Variants in KCNH7 observed in about 807,000 individuals in gnomAD.
The protein encoded by KCNH7 is voltage-gated inwardly rectifying potassium channel KCNH7.
KCNH7 carries 49 observed loss-of-function variants against 120.8 expected under a neutral mutation model. The ratio of observed to expected loss-of-function variants is 0.41; its 90% CI spans 0.32 to 0.51. The LOEUF is 0.51. KCNH7 is among the 20% of genes least tolerant of loss of function. The pLI, the probability that KCNH7 is intolerant of heterozygous loss-of-function variation, is 0.38. For synonymous variants in KCNH7, 547 were observed against 516.1 expected, an observed-to-expected ratio of 1.06 and a Z score of -0.81; for missense variants, 1,097 against 1,446.6, an observed-to-expected ratio of 0.76 and a Z score of 3.92.
chr2:162,735,987 A>G (rs976983740), intron 2 of KCNH7, among the ~76,000 whole-genome samples: 11 of 152,180 alleles, frequency 7.2e-5, no homozygotes, highest in African/African-American at 2.2e-4. Flanking sequence ...TGGGCCAATG[A>G]CTTGACCATG....
intron 2 of KCNH7, among the ~76,000 whole-genome samples, chr2:162,584,719 C>T (rs917413636): frequency 3.9e-5 from 6 of 152,126 alleles, no homozygotes; most frequent in Middle Eastern, 3.4e-3. Flanking sequence ...CTCAGAGGCA[C>T]TGCTGTTGCA....
At chr2:162,601,645 A>G (rs959152161) in intron 2 of KCNH7, among the ~76,000 whole-genome samples, 1 of 151,948 alleles carries the variant, frequency 6.6e-6, no homozygotes, top group African/African-American at 2.4e-5. Flanking sequence ...TTATCTGTGT[A>G]CTAAACGATG....
chr2:162,538,499 A>T (rs551020513), intron 2 of KCNH7, among the ~76,000 whole-genome samples: 1 of 152,046 alleles, frequency 6.6e-6, no homozygotes, highest in African/African-American at 2.4e-5. Flanking sequence ...AAGTGCCAGG[A>T]CCCCTGGAGG....
At chr2:162,837,808 T>G (rs990037715) in intron 1 of KCNH7, among the ~76,000 whole-genome samples, 3 of 152,156 alleles carry the variant, frequency 2.0e-5, no homozygotes, top group African/African-American at 7.2e-5. Context: ...AGATGGAAAT[T>G]TTAAGGGGAT....
chr2:162,793,668 T>C (rs1559137125), intron 2 of KCNH7, among the ~76,000 whole-genome samples: 1 of 151,082 alleles, frequency 6.6e-6, no homozygotes, highest in African/African-American at 2.4e-5. Flanking sequence ...AATAATTATC[T>C]AAAAAAAAAT....
At chr2:162,737,515 C>CTA (rs1440973429) in intron 2 of KCNH7, among the ~76,000 whole-genome samples, 2 of 151,810 alleles carry the variant, frequency 1.3e-5, no homozygotes, top group African/African-American at 4.8e-5. Flanking sequence ...AGAACTTTAG[C>CTA]TATATATATT....
intron 2 of KCNH7, among the ~76,000 whole-genome samples, chr2:162,733,157 T>G (rs147366619): frequency 0.015 from 2,307 of 152,276 alleles, 54 homozygotes; most frequent in Middle Eastern, 0.041. Context: ...AGCTCCCAGC[T>G]TCTTTGAAAA....
At chr2:162,626,793 A>C (rs1406673590) in intron 2 of KCNH7, among the ~76,000 whole-genome samples, 1 of 152,194 alleles carries the variant, frequency 6.6e-6, no homozygotes, top group African/African-American at 2.4e-5. Context: ...AGGTGTATAC[A>C]TTAAAGGTAA....
At chr2:162,798,876 C>T (rs1488957013) in intron 2 of KCNH7, among the ~76,000 whole-genome samples, 1 of 151,956 alleles carries the variant, frequency 6.6e-6, no homozygotes, top group East Asian at 1.9e-4. Flanking sequence ...ATAAAGAGTT[C>T]CCAATTCAAT....
intron 2 of KCNH7, among the ~76,000 whole-genome samples, chr2:162,728,634 C>G (rs569669471): frequency 6.6e-5 from 10 of 152,138 alleles, no homozygotes; most frequent in African/African-American, 2.4e-4. Flanking sequence ...CAAAATTAGC[C>G]GGGCTTGGAG....
At chr2:162,727,492 C>T (rs974835136) in intron 2 of KCNH7, among the ~76,000 whole-genome samples, 4 of 152,112 alleles carry the variant, frequency 2.6e-5, no homozygotes, top group African/African-American at 9.7e-5. Context: ...TTCGTCACCC[C>T]ACTCTACCCA....
intron 2 of KCNH7, among the ~76,000 whole-genome samples, chr2:162,767,412 A>G (rs1384020680): frequency 1.3e-5 from 2 of 152,136 alleles, no homozygotes; most frequent in African/African-American, 2.4e-5. Context: ...ATCAACACCA[A>G]ATATAATCAC....
chr2:162,710,869 A>T (rs1165927605), intron 2 of KCNH7, among the ~76,000 whole-genome samples: 2 of 152,118 alleles, frequency 1.3e-5, no homozygotes, highest in Non-Finnish European at 1.5e-5. Context: ...TTAAAAGTTG[A>T]CTCAAATTCT....
At chr2:162,377,252 A>C (rs1686230644) in intron 14 of KCNH7, among the ~76,000 whole-genome samples, 1 of 151,230 alleles carries the variant, frequency 6.6e-6, no homozygotes, top group Non-Finnish European at 1.5e-5. Context: ...TGGATTTTAA[A>C]TCCCAAACGA....
intron 2 of KCNH7, among the ~76,000 whole-genome samples, chr2:162,714,802 C>G (rs1346227303): frequency 6.6e-6 from 1 of 152,060 alleles, no homozygotes; most frequent in Non-Finnish European, 1.5e-5. Flanking sequence ...CCACATGAAA[C>G]AAAATATTAT....
rs564063941 is a variant in KCNH7, at chr2:162,599,640, C to CT, written c.308-62561dup. Among the ~76,000 whole-genome samples the CT allele has an allele frequency of 5.8e-4, 85 of 146,472 alleles. No homozygotes were observed. In the Middle Eastern group the frequency reaches 0.011, roughly 19 times the overall value. Reference sequence around the variant, plus strand: ...TATTATTTCTATCTACATGTGGTCTCTTTTTTTTTTACGGTTTTCATTATT... The same window carrying CT: ...TATTATTTCTATCTACATGTGGTCTCTTTTTTTTTTTACGGTTTTCATTATT... On this transcript the variant is annotated intron_variant, in intron 2 of 15. Coordinates refer to ENST00000332142, the MANE Select transcript of KCNH7 (RefSeq NM_033272.4).
Position 162,504,569 on chromosome 2 carries a change from C to A in KCNH7, c.1002G>T (p.Gln334His). 6.2e-7 allele frequency: 1 copy of A among 1,612,494 alleles called. No individual in the cohort carries two copies. The highest frequency in any genetic ancestry group is 8.5e-7 in the Non-Finnish European group (1 of 1,178,908). ...NKYSTINKIP[Q>H]LTLNFSEVKT... ...TGACCTCTGAAAAATTCAGAGTGAG[C>A]TGTGGAATCTTGTTAATGGTGCTGT... The change falls in exon 6 of 16, where the codon CAG becomes CAT. Residue 334 changes from glutamine (Q) to histidine (H), a missense_variant. Gln to His is a conservative substitution (Grantham distance 24, BLOSUM62 0). This residue lies in a region of KCNH7 where 362 missense variants were observed against 372.2 expected (regional missense o/e 0.97). Coordinates refer to ENST00000332142, the MANE Select transcript of KCNH7 (RefSeq NM_033272.4).
intron 2 of KCNH7, among the ~76,000 whole-genome samples, chr2:162,679,410 T>C (rs748258630): frequency 1.1e-4 from 16 of 151,780 alleles, no homozygotes; most frequent in Non-Finnish European, 2.2e-4. Flanking sequence ...ATTGTTTTAA[T>C]TTAAATTATT....
At chr2:162,587,514 T>A (rs1694056995) in intron 2 of KCNH7, among the ~76,000 whole-genome samples, 1 of 152,070 alleles carries the variant, frequency 6.6e-6, no homozygotes, top group Non-Finnish European at 1.5e-5. Flanking sequence ...CTTATAGCAT[T>A]TAGAATTTTT....
Sources: allele counts gnomAD v4.1 joint callset (sites outside exome capture counted in the v4.1 genomes callset), GRCh38; gene constraint gnomAD v4.1.1; regional missense constraint gnomAD v4.1.1; transcripts MANE v1.5; gene names NCBI Gene and HGNC (gene_info 2026-07-23, HGNC 2026-07-21).